The following CBX5 variants were observed in gnomAD, a reference collection of about 807,000 sequenced individuals.
The protein encoded by CBX5 is chromobox 5, also known as chromobox protein homolog 5.
CBX5 carries 7 observed loss-of-function variants against 20.7 expected under a neutral mutation model. That is an observed-to-expected ratio of 0.34 (90% CI 0.19 to 0.63). The LOEUF (loss-of-function observed/expected upper bound fraction) is 0.63, where lower values mean the gene tolerates loss of function less well. CBX5 is among the 30% of genes least tolerant of loss of function. CBX5 has a pLI of 0.75. For missense variants in CBX5, 110 were observed against 224.1 expected (o/e 0.49, Z 3.25); for synonymous variants, 78 against 77.0 (o/e 1.01, Z -0.07).
intron 1 of CBX5, chr12:54,262,772 G>A (rs994249120): frequency 6.6e-6 from 1 of 152,518 alleles, no homozygotes; most frequent in African/African-American, 2.4e-5. Flanking sequence ...ATCAAGACTG[G>A]TGGTTCACAC....
chr12:54,266,495 A>T (rs1251870527), intron 1 of CBX5, among the ~76,000 whole-genome samples: 1 of 152,244 alleles, frequency 6.6e-6, no homozygotes, highest in Non-Finnish European at 1.5e-5. Context: ...AGGTTGAGGC[A>T]GGAGGACAGC....
intron 1 of CBX5, among the ~76,000 whole-genome samples, chr12:54,277,885 G>C (rs2137035265): frequency 6.6e-6 from 1 of 152,074 alleles, no homozygotes; most frequent in Non-Finnish European, 1.5e-5. Context: ...GCCCAGACTG[G>C]AGTGCAGTGG....
chr12:54,262,922 A>C (rs953039767), intron 1 of CBX5: 6 of 152,250 alleles, frequency 3.9e-5, no homozygotes, highest in Admixed American at 3.3e-4. Context: ...CCTTGTGGAA[A>C]TCTCCAAGGG....
intron 2 of CBX5, chr12:54,252,542 T>G: frequency 4.0e-6 from 1 of 247,668 alleles, no homozygotes; most frequent in Non-Finnish European, 7.5e-6. Context: ...AAAGGAATAT[T>G]ATCCAACAAC....
chr12:54,250,854 G>A (rs570165068), intron 3 of CBX5, among the ~76,000 whole-genome samples: 135 of 147,842 alleles, frequency 9.1e-4, no homozygotes, highest in Non-Finnish European at 1.7e-3. Flanking sequence ...AGAAAGGGCC[G>A]GGCGCGGTGG....
chr12:54,248,920 T>A (rs773722844), intron 3 of CBX5, among the ~76,000 whole-genome samples: 1 of 152,202 alleles, frequency 6.6e-6, no homozygotes, highest in Non-Finnish European at 1.5e-5. Flanking sequence ...CAGCCAGTAC[T>A]GCTAAGAATG....
intron 3 of CBX5, among the ~76,000 whole-genome samples, chr12:54,246,780 CAAAAAAA>C (rs772454046): frequency 1.1e-4 from 5 of 46,216 alleles, no homozygotes; most frequent in South Asian, 1.6e-3. Flanking sequence ...GACTCCGTCT[CAAAAAAA>C]AAAAAAAAAA....
At chr12:54,246,256 G>C in intron 3 of CBX5, 41 bp from the exon 4 acceptor site, 1 of 1,446,140 alleles carries the variant, frequency 6.9e-7, no homozygotes, top group Non-Finnish European at 9.7e-7. Context: ...CTTGTGGAAA[G>C]AGTAAAGAAA....
intron 1 of CBX5, among the ~76,000 whole-genome samples, chr12:54,267,609 T>C (rs2137028567): frequency 6.6e-6 from 1 of 152,180 alleles, no homozygotes; most frequent in Admixed American, 6.6e-5. Flanking sequence ...TGTTCCGGGT[T>C]CATGCCATTC....
chr12:54,261,807 T>C (rs1020618020), intron 1 of CBX5, among the ~76,000 whole-genome samples: 2 of 152,232 alleles, frequency 1.3e-5, no homozygotes, highest in African/African-American at 2.4e-5. Flanking sequence ...CCCGGCATCA[T>C]TTAAACGGGC....
chr12:54,275,443 G>A lies in CBX5; in HGVS notation c.-43+4565C>T, dbSNP rs373132080. Among the ~76,000 whole-genome samples the A allele has an allele frequency of 2.2e-3, 339 of 151,972 alleles. 4 individuals are homozygous for A. The highest frequency in any genetic ancestry group is 8.1e-3 in the African/African-American group (335 of 41,482). ...TTTTTAGCGGAGATGGGGTTTCACC[G>A]TGTTAGCCAGGATGGTCTCAATCTC... is the stretch of plus-strand genomic sequence containing the variant. On this transcript the variant is annotated intron_variant, in intron 1 of 4. Coordinates refer to ENST00000209875, the MANE Select transcript of CBX5 (RefSeq NM_012117.3).
chr12:54,275,772 A>G (rs7953446), intron 1 of CBX5, among the ~76,000 whole-genome samples: 4 of 151,762 alleles, frequency 2.6e-5, no homozygotes, highest in Non-Finnish European at 4.4e-5. Flanking sequence ...TTGGGAGGCC[A>G]AGGCAGGCAG....
chr12:54,275,501 A>G (rs527915411), intron 1 of CBX5, among the ~76,000 whole-genome samples: 2 of 151,916 alleles, frequency 1.3e-5, no homozygotes, highest in African/African-American at 4.8e-5. Context: ...TCGGCCTCCC[A>G]AAGTGCTGGG....
chr12:54,243,977 G>T (rs1276839026), intron 4 of CBX5, among the ~76,000 whole-genome samples: 3 of 152,036 alleles, frequency 2.0e-5, no homozygotes, highest in Admixed American at 2.0e-4. Context: ...ACTCTCATCA[G>T]ATAAAATGTT....
chr12:54,260,439 A>G (rs551786099), intron 1 of CBX5, among the ~76,000 whole-genome samples: 9 of 152,262 alleles, frequency 5.9e-5, no homozygotes, highest in African/African-American at 2.2e-4. Context: ...GGTTGCAGTG[A>G]GCCTAGATCG....
intron 1 of CBX5, chr12:54,271,929 T>C (rs1419363325): frequency 6.6e-6 from 1 of 152,212 alleles, no homozygotes; most frequent in Non-Finnish European, 1.5e-5. Flanking sequence ...GTTTGCTATG[T>C]TTTATCAGAT....
In CBX5 at chr12:54,236,160, TACA is replaced by T. The variant is rs1269224069; in HGVS notation, c.*5592_*5594del. On this transcript the variant is annotated 3_prime_UTR_variant, in exon 5 of 5. Coordinates refer to ENST00000209875, the MANE Select transcript of CBX5 (RefSeq NM_012117.3). ...CTTCTTACTCCAGGGCTACAAACTA[TACA>T]ACATCAGCCAGTCTGTCTCTGCCCC... 1 of 152,258 alleles carries T rather than the reference TACA, an allele frequency of 6.6e-6. No individual in the cohort carries two copies. The highest frequency in any genetic ancestry group is 1.5e-5 in the Non-Finnish European group (1 of 68,048). 9.4% of individuals were successfully genotyped at this position (152,258 alleles called of 1,614,324 possible).
intron 2 of CBX5, among the ~76,000 whole-genome samples, chr12:54,253,012 G>A (rs1298841432): frequency 2.0e-5 from 3 of 149,760 alleles, no homozygotes; most frequent in African/African-American, 7.3e-5. Flanking sequence ...GCAGATCAGT[G>A]AATGCCTGGG....
At chr12:54,243,799 G>A (rs1943703991) in intron 4 of CBX5, among the ~76,000 whole-genome samples, 1 of 151,456 alleles carries the variant, frequency 6.6e-6, no homozygotes, top group South Asian at 2.1e-4. Flanking sequence ...AACCTGGGAG[G>A]CGAAGGTTGC....
Sources: gnomAD v4.1 joint callset for allele counts (sites outside exome capture counted in the v4.1 genomes callset) on GRCh38, gnomAD v4.1.1 for gene constraint, MANE v1.5 for transcripts, NCBI Gene and HGNC (gene_info 2026-07-23, HGNC 2026-07-21) for gene names.